Variants in CATSPER3 observed in about 807,000 individuals in gnomAD.
The protein encoded by CATSPER3 is cation channel sperm-associated protein 3.
A neutral mutation model predicts 36.6 loss-of-function variants in CATSPER3; 23 were observed. The ratio of observed to expected loss-of-function variants is 0.63; its 90% CI spans 0.45 to 0.89. The LOEUF (loss-of-function observed/expected upper bound fraction) is 0.89. Ranked by LOEUF, CATSPER3 falls within the 40% of genes least tolerant of loss-of-function variation. The pLI is 0.00. For missense variants in CATSPER3, 474 were observed against 503.9 expected (o/e 0.94, Z 0.57); for synonymous variants, 172 against 184.1 (o/e 0.93, Z 0.53).
rs1554069451 is a variant in CATSPER3, at chr5:135,006,848, AAAT to A, written c.493-1088_493-1086del. On this transcript the variant is annotated intron_variant, in intron 3 of 7. Coordinates refer to ENST00000282611, the MANE Select transcript of CATSPER3 (RefSeq NM_178019.3). Reference sequence around the variant, plus strand: ...GCGACTCCGTCTCGAAAAAAAAAAAAAATAATAATAATAATAATAATAAAATCT... The same window carrying A: ...GCGACTCCGTCTCGAAAAAAAAAAAAAATAATAATAATAATAATAAAATCT... Among the ~76,000 whole-genome samples the A allele has an allele frequency of 1.4e-3, 202 of 142,104 alleles. 15 individuals carry two copies. Among genetic ancestry groups the A allele is most frequent in the Middle Eastern group, 3.6e-3 (1 of 280 alleles). The allele number at this position is 142,104 out of a possible 152,430, so 93.2% of individuals were successfully genotyped here. A position where few individuals can be genotyped will look rare whatever the true frequency, so the allele number is the denominator to read the frequency against.
chr5:134,996,215 C>A, intron 2 of CATSPER3, 58 bp from the exon 3 acceptor site: 1 of 1,612,920 alleles, frequency 6.2e-7, no homozygotes, highest in Non-Finnish European at 8.5e-7. Context: ...GGGAGCAGGC[C>A]AGAGCTCTAG....
At chr5:135,003,287 G>T (rs1006456774) in intron 3 of CATSPER3, among the ~76,000 whole-genome samples, 4 of 152,204 alleles carry the variant, frequency 2.6e-5, no homozygotes, top group Non-Finnish European at 5.9e-5. Context: ...TAACAGCAAA[G>T]GTTGCTGCCT....
chr5:135,008,165 G>T, intron 4 of CATSPER3, 26 bp downstream of exon 4: 2 of 1,602,808 alleles, frequency 1.2e-6, no homozygotes, highest in Non-Finnish European at 1.7e-6. Context: ...ACAGTGGTGA[G>T]GGCAGGGGCC....
At chr5:134,993,724 T>C (rs1239616714) in intron 2 of CATSPER3, among the ~76,000 whole-genome samples, 2 of 152,252 alleles carry the variant, frequency 1.3e-5, no homozygotes, top group Non-Finnish European at 2.9e-5. Context: ...ATAAACATTA[T>C]ATATCCTTTA....
chr5:134,976,394 C>T (rs1751674922), intron 2 of CATSPER3, among the ~76,000 whole-genome samples: 1 of 146,388 alleles, frequency 6.8e-6, no homozygotes, highest in Non-Finnish European at 1.5e-5. Flanking sequence ...GCCTCTGCAA[C>T]CAAGGAGCAG....
At chr5:134,996,184 A>G (rs1381021613) in intron 2 of CATSPER3, 89 bp from the exon 3 acceptor site, 1 of 1,557,142 alleles carries the variant, frequency 6.4e-7, no homozygotes, top group Admixed American at 1.7e-5. Flanking sequence ...ACTTAGGAGC[A>G]CCCCTTCCGG....
At chr5:134,997,862 C>T (rs1580911734) in intron 3 of CATSPER3, among the ~76,000 whole-genome samples, 1 of 152,166 alleles carries the variant, frequency 6.6e-6, no homozygotes, top group South Asian at 2.1e-4. Context: ...TTGTCACTCA[C>T]CCCCATCCCC....
At chr5:134,984,352 A>G (rs565018731) in intron 2 of CATSPER3, among the ~76,000 whole-genome samples, 1 of 152,370 alleles carries the variant, frequency 6.6e-6, no homozygotes, top group East Asian at 1.9e-4. Flanking sequence ...CAATGGGAGA[A>G]AATATTTGCA....
intron 2 of CATSPER3, among the ~76,000 whole-genome samples, chr5:134,990,932 A>G (rs1003254980): frequency 1.3e-5 from 2 of 152,258 alleles, no homozygotes; most frequent in African/African-American, 4.8e-5. Context: ...TAACAACAAA[A>G]TCAATTATAT....
chr5:134,985,856 G>A (rs299362), intron 2 of CATSPER3, among the ~76,000 whole-genome samples: 139,745 of 151,768 alleles, frequency 0.92, 64,463 homozygotes, highest in African/African-American at 0.97. Flanking sequence ...CCATGACTGT[G>A]TCACTGCACT....
chr5:134,973,556 A>G (rs147261975), intron 2 of CATSPER3, among the ~76,000 whole-genome samples: 5 of 152,308 alleles, frequency 3.3e-5, no homozygotes, highest in African/African-American at 1.2e-4. Context: ...CAGGAGGTAC[A>G]CAAGATGAAC....
chr5:134,971,879 C>T (rs778273172), intron 2 of CATSPER3, among the ~76,000 whole-genome samples: 2 of 152,132 alleles, frequency 1.3e-5, no homozygotes, highest in Non-Finnish European at 2.9e-5. Flanking sequence ...CAAGCTACTG[C>T]GTTTTTAAAC....
chr5:134,992,022 T>C (rs1751884655), intron 2 of CATSPER3, among the ~76,000 whole-genome samples: 1 of 151,508 alleles, frequency 6.6e-6, no homozygotes, highest in Admixed American at 6.6e-5. Flanking sequence ...CTTGGGAGGC[T>C]GAGGTGTGAG....
At chr5:135,008,714 T>G in intron 4 of CATSPER3, 127 bp from the exon 5 acceptor site, 1 of 777,996 alleles carries the variant, frequency 1.3e-6, no homozygotes. Context: ...TGGGAGGTGT[T>G]GAGGGGATGA....
At chr5:134,977,087 G>T (rs1301179376) in intron 2 of CATSPER3, among the ~76,000 whole-genome samples, 3 of 152,200 alleles carry the variant, frequency 2.0e-5, no homozygotes, top group East Asian at 3.9e-4. Flanking sequence ...TTTCCCCATT[G>T]TCTTGGTTAT....
Position 135,009,506 on chromosome 5 carries a change from A to G in CATSPER3, c.936+16A>G. 1 of 1,611,580 alleles carries G rather than the reference A, an allele frequency of 6.2e-7. No individual in the cohort carries two copies. The highest frequency in any genetic ancestry group is 2.2e-5 in the East Asian group (1 of 44,882). ...GCACATACAGGTGAGTGGCCCCTGC[A>G]GGCAGGTGGACAGATGGGTGGATGG... is the stretch of plus-strand genomic sequence containing the variant. On this transcript the variant is annotated intron_variant, in intron 6 of 7. Transcript: ENST00000282611.
At chr5:134,976,232 G>C (rs1751671647) in intron 2 of CATSPER3, among the ~76,000 whole-genome samples, 1 of 152,180 alleles carries the variant, frequency 6.6e-6, no homozygotes, top group Non-Finnish European at 1.5e-5. Context: ...GCTGGCACCA[G>C]ATGCTTGGGA....
At chr5:134,973,571 A>G (rs1212645975) in intron 2 of CATSPER3, among the ~76,000 whole-genome samples, 2 of 152,186 alleles carry the variant, frequency 1.3e-5, no homozygotes, top group Non-Finnish European at 2.9e-5. Context: ...ATGAACCATG[A>G]TTATCTTGTC....
intron 2 of CATSPER3, among the ~76,000 whole-genome samples, chr5:134,989,971 T>C (rs1396809058): frequency 1.3e-5 from 2 of 152,116 alleles, no homozygotes; most frequent in Non-Finnish European, 2.9e-5. Context: ...AACTTCAATA[T>C]TGTTACATCT....
Sources: gnomAD v4.1 joint callset for allele counts (sites outside exome capture counted in the v4.1 genomes callset) on GRCh38, gnomAD v4.1.1 for gene constraint, MANE v1.5 for transcripts, NCBI Gene and HGNC (gene_info 2026-07-23, HGNC 2026-07-21) for gene names.